The following ALK variants were observed in gnomAD, a reference collection of about 807,000 sequenced individuals.
ALK encodes ALK receptor tyrosine kinase.
In ALK, 74 loss-of-function variants were observed where a neutral mutation model predicts 163.1. That is an observed-to-expected ratio of 0.45 (90% CI 0.38 to 0.55). The LOEUF is 0.55. Among genes scored for constraint, ALK ranks in the 20% least tolerant of loss-of-function variants. The pLI, the probability that ALK is intolerant of heterozygous loss-of-function variation, is 0.00. For synonymous variants in ALK, 960 were observed against 843.2 expected (o/e 1.14, Z -2.40); for missense variants, 2,063 against 2,105.3 (o/e 0.98, Z 0.39).
At position 29,223,334 on chromosome 2, in the gene ALK, G is replaced by A; in HGVS notation, c.3359+8C>T. The A allele has an allele frequency of 6.2e-7, 1 of 1,613,908 alleles. No individual in the cohort carries two copies. On this transcript the variant is annotated splice_region_variant and intron_variant, in intron 20 of 28. Transcript: ENST00000389048. ...CCTCTCCTCCCAGGACGGCAGCAGG[G>A]CGCTCACCGAATGAGGGTGATGTTT...
intron 1 of ALK, among the ~76,000 whole-genome samples, chr2:29,914,834 G>T (rs1040801121): frequency 2.0e-5 from 3 of 152,304 alleles, no homozygotes; most frequent in African/African-American, 7.2e-5. Context: ...TTAGTGGAAA[G>T]AACTCTGACT....
At chr2:29,535,458 T>C (rs1255306436) in intron 3 of ALK, among the ~76,000 whole-genome samples, 1 of 152,250 alleles carries the variant, frequency 6.6e-6, no homozygotes, top group African/African-American at 2.4e-5. Context: ...GTTATTGACC[T>C]TAGACAAATT....
At chr2:29,718,522 C>T (rs762203439) in intron 1 of ALK, among the ~76,000 whole-genome samples, 3 of 152,172 alleles carry the variant, frequency 2.0e-5, no homozygotes, top group Admixed American at 2.0e-4. Flanking sequence ...AGAATTAGTT[C>T]TCTTTCATAG....
intron 1 of ALK, among the ~76,000 whole-genome samples, chr2:29,895,096 T>A: frequency 6.6e-6 from 1 of 152,234 alleles, no homozygotes; most frequent in Non-Finnish European, 1.5e-5. Flanking sequence ...TGTTTTTGAA[T>A]CAGGTCTTAA....
At chr2:29,503,265 G>A (rs956075012) in intron 4 of ALK, among the ~76,000 whole-genome samples, 3 of 152,140 alleles carry the variant, frequency 2.0e-5, no homozygotes, top group Admixed American at 1.3e-4. Flanking sequence ...GTGGTATTAC[G>A]GGTCACTCAG....
chr2:29,589,580 C>G (rs569404133), intron 3 of ALK, among the ~76,000 whole-genome samples: 38 of 152,284 alleles, frequency 2.5e-4, no homozygotes, highest in Admixed American at 1.8e-3. Flanking sequence ...GCAGGGTTTG[C>G]TATGACACAC....
chr2:29,529,102 C>T (rs1167293829), intron 4 of ALK, among the ~76,000 whole-genome samples: 1 of 152,198 alleles, frequency 6.6e-6, no homozygotes, highest in African/African-American at 2.4e-5. Context: ...CTTCTGCCTC[C>T]GGGTGCTTCC....
At chr2:29,766,220 A>G (rs1487715281) in intron 1 of ALK, among the ~76,000 whole-genome samples, 2 of 152,220 alleles carry the variant, frequency 1.3e-5, no homozygotes, top group Non-Finnish European at 1.5e-5. Flanking sequence ...AATAGTTCCA[A>G]TTCAGAAATC....
chr2:29,565,474 A>C (rs1674152247), intron 3 of ALK, among the ~76,000 whole-genome samples: 1 of 152,176 alleles, frequency 6.6e-6, no homozygotes, highest in Admixed American at 6.5e-5. Flanking sequence ...GAGTGCTAGA[A>C]ACCAGGTATC....
rs1432376932 is a variant in ALK, at chr2:29,288,969, AAT to A, written c.1817+7917_1817+7918del. ...TCCTTCTCAAAAAAATAAATAAATA[AAT>A]AAATAAATAAATAAATAAATAAATA... On this transcript the variant is annotated intron_variant, in intron 9 of 28. Coordinates refer to ENST00000389048, the MANE Select transcript of ALK (RefSeq NM_004304.5). Among the ~76,000 whole-genome samples the A allele has an allele frequency of 1.2e-4, 17 of 136,176 alleles. 1 individual carries two copies. The highest frequency in any genetic ancestry group is 2.2e-4 in the East Asian group (1 of 4,604). 89.3% of individuals were successfully genotyped at this position (136,176 alleles called of 152,430 possible).
chr2:29,405,190 T>C (rs1669554030), intron 4 of ALK, among the ~76,000 whole-genome samples: 1 of 152,200 alleles, frequency 6.6e-6, no homozygotes. Flanking sequence ...ATTTTCTTTG[T>C]TGTTCATTAA....
chr2:29,847,358 G>T (rs1289888547), intron 1 of ALK, among the ~76,000 whole-genome samples: 1 of 152,080 alleles, frequency 6.6e-6, no homozygotes, highest in Admixed American at 6.5e-5. Flanking sequence ...ACTGCCTGAG[G>T]CCCAAGGAGT....
intron 5 of ALK, among the ~76,000 whole-genome samples, chr2:29,370,571 A>C (rs544452249): frequency 1.3e-5 from 2 of 152,244 alleles, no homozygotes; most frequent in Non-Finnish European, 2.9e-5. Flanking sequence ...AGCAAAAGAG[A>C]GTTGAGGCAT....
At chr2:29,317,565 A>G (rs1666866036) in intron 8 of ALK, among the ~76,000 whole-genome samples, 2 of 152,216 alleles carry the variant, frequency 1.3e-5, no homozygotes, top group Non-Finnish European at 2.9e-5. Flanking sequence ...GACATTATCT[A>G]TTTAATCCTC....
At chr2:29,379,994 G>A (rs981025994) in intron 5 of ALK, among the ~76,000 whole-genome samples, 1 of 152,164 alleles carries the variant, frequency 6.6e-6, no homozygotes, top group African/African-American at 2.4e-5. Context: ...CAGGAAGCAT[G>A]GCTGGGGAGG....
intron 3 of ALK, among the ~76,000 whole-genome samples, chr2:29,692,400 T>A (rs1397267841): frequency 2.0e-5 from 3 of 152,234 alleles, no homozygotes; most frequent in African/African-American, 7.2e-5. Flanking sequence ...GTCCCCAACC[T>A]TTTTGGCATC....
intron 4 of ALK, among the ~76,000 whole-genome samples, chr2:29,440,412 G>A (rs1039781401): frequency 6.7e-6 from 1 of 149,624 alleles, no homozygotes. Context: ...TGCCTCCTGG[G>A]TTCAAGCAAT....
At position 29,390,379 on chromosome 2, in the gene ALK, A is replaced by G. The variant is rs574584794; in HGVS notation, c.1155-6520T>C. Among the ~76,000 whole-genome samples, 10 of 152,308 alleles carry G rather than the reference A, an allele frequency of 6.6e-5. No individual in the cohort carries two copies. The South Asian group carries it at 2.1e-3, about 32-fold the overall frequency. On this transcript the variant is annotated intron_variant, in intron 4 of 28. Coordinates refer to ENST00000389048, the MANE Select transcript of ALK (RefSeq NM_004304.5). ...AACCAGCCAAGTCCCTGTCACATAG[A>G]ACACAGTCACGTGGTGATGATTATT...
intron 3 of ALK, among the ~76,000 whole-genome samples, chr2:29,561,528 G>A (rs568890662): frequency 2.0e-4 from 31 of 152,260 alleles, no homozygotes; most frequent in Admixed American, 6.5e-4. Flanking sequence ...CATCCATCGC[G>A]TCTGAAAATG....
Sources: gnomAD v4.1 joint callset for allele counts (sites outside exome capture counted in the v4.1 genomes callset) on GRCh38, gnomAD v4.1.1 for gene constraint, MANE v1.5 for transcripts, NCBI Gene and HGNC (gene_info 2026-07-23, HGNC 2026-07-21) for gene names.